DTNBP1: variants seen among roughly 807,000 people sequenced by gnomAD.
DTNBP1 encodes dysbindin.
DTNBP1 carries 35 observed loss-of-function variants against 42.8 expected under a neutral mutation model. The observed-to-expected ratio is 0.82, with a 90% confidence interval of 0.63 to 1.09. The LOEUF (loss-of-function observed/expected upper bound fraction) is 1.09, where lower values mean the gene tolerates loss of function less well. Among genes scored for constraint, DTNBP1 ranks in the 50% least tolerant of loss-of-function variants. The probability of loss-of-function intolerance (pLI) is 0.00; values close to 1 mark genes in which losing one functional copy is unlikely to be tolerated. For synonymous variants in DTNBP1, 171 were observed against 162.2 expected, an observed-to-expected ratio of 1.05 and a Z score of -0.41; for missense variants, 457 against 424.2, an observed-to-expected ratio of 1.08 and a Z score of -0.68.
intron 7 of DTNBP1, among the ~76,000 whole-genome samples, chr6:15,558,246 A>G (rs1581319317): frequency 6.6e-6 from 1 of 150,844 alleles, no homozygotes; most frequent in East Asian, 1.9e-4. Flanking sequence ...ATGGTTTATA[A>G]TCAACTATAA....
chr6:15,584,381 A>G (rs1453555678), intron 7 of DTNBP1, among the ~76,000 whole-genome samples: 5 of 152,098 alleles, frequency 3.3e-5, no homozygotes, highest in African/African-American at 4.8e-5. Context: ...TACATTCCCT[A>G]TAAGTAAATA....
intron 7 of DTNBP1, among the ~76,000 whole-genome samples, chr6:15,589,857 A>G (rs9296986): frequency 0.82 from 124,664 of 152,174 alleles, 51,350 homozygotes; most frequent in East Asian, 1. Context: ...ATCCCATCTC[A>G]TTACATTTTC....
chr6:15,584,322 C>T (rs886376759), intron 7 of DTNBP1, among the ~76,000 whole-genome samples: 1 of 152,116 alleles, frequency 6.6e-6, no homozygotes, highest in East Asian at 1.9e-4. Context: ...ACTCTTAGAA[C>T]CATTATTTAA....
intron 1 of DTNBP1, among the ~76,000 whole-genome samples, chr6:15,659,879 A>T (rs993799123): frequency 2.0e-5 from 3 of 152,120 alleles, no homozygotes; most frequent in African/African-American, 7.2e-5. Context: ...TGTGTTGCCC[A>T]GTCTTGAACT....
At chr6:15,611,986 T>C (rs1758432095) in intron 6 of DTNBP1, among the ~76,000 whole-genome samples, 1 of 152,238 alleles carries the variant, frequency 6.6e-6, no homozygotes, top group South Asian at 2.1e-4. Flanking sequence ...TTTGAGAGGA[T>C]TGATTCCAAT....
At chr6:15,610,348 CACTG>C (rs1758324854) in intron 6 of DTNBP1, among the ~76,000 whole-genome samples, 1 of 152,186 alleles carries the variant, frequency 6.6e-6, no homozygotes, top group Non-Finnish European at 1.5e-5. Flanking sequence ...CTGACTGCTC[CACTG>C]ACCAGCCATT....
At chr6:15,646,827 C>T (rs1184774049) in intron 3 of DTNBP1, among the ~76,000 whole-genome samples, 1 of 151,786 alleles carries the variant, frequency 6.6e-6, no homozygotes, top group African/African-American at 2.4e-5. Context: ...TATGGATGAA[C>T]AAAACTGGAC....
At chr6:15,554,120 A>G (rs935201549) in intron 7 of DTNBP1, among the ~76,000 whole-genome samples, 1 of 152,202 alleles carries the variant, frequency 6.6e-6, no homozygotes, top group African/African-American at 2.4e-5. Context: ...ATTTCTACAC[A>G]GCTGTCCACT....
intron 4 of DTNBP1, among the ~76,000 whole-genome samples, chr6:15,637,384 T>A (rs1760091864): frequency 6.6e-6 from 1 of 152,192 alleles, no homozygotes; most frequent in Non-Finnish European, 1.5e-5. Context: ...TAATAAGGAA[T>A]TCTTAAATAG....
At chr6:15,530,137 A>G (rs913004352) in intron 8 of DTNBP1, among the ~76,000 whole-genome samples, 3 of 152,278 alleles carry the variant, frequency 2.0e-5, no homozygotes, top group African/African-American at 7.2e-5. Context: ...TGAGTCCAAA[A>G]CACCATGTTC....
chr6:15,646,187 C>T (rs1302678160), intron 3 of DTNBP1, among the ~76,000 whole-genome samples: 1 of 151,496 alleles, frequency 6.6e-6, no homozygotes, highest in Non-Finnish European at 1.5e-5. Flanking sequence ...AAAATAAAAT[C>T]TGCAGCATTT....
intron 9 of DTNBP1, 116 bp from the exon 10 acceptor site, chr6:15,523,335 G>A: frequency 7.0e-7 from 1 of 1,431,792 alleles, no homozygotes; most frequent in East Asian, 2.4e-5. Context: ...TTTTGTTCCA[G>A]GCACCTGGGG....
intron 5 of DTNBP1, among the ~76,000 whole-genome samples, chr6:15,625,343 T>A (rs1187426270): frequency 2.0e-5 from 3 of 152,114 alleles, no homozygotes; most frequent in Non-Finnish European, 4.4e-5. Flanking sequence ...AGGAAAAAAA[T>A]GACTCAAATT....
At chr6:15,574,304 A>T (rs1437583185) in intron 7 of DTNBP1, among the ~76,000 whole-genome samples, 1 of 152,202 alleles carries the variant, frequency 6.6e-6, no homozygotes, top group Admixed American at 6.5e-5. Context: ...CATCCTTAGC[A>T]TGGGGCAGAG....
At chr6:15,600,384 T>C (rs1776682954) in intron 6 of DTNBP1, among the ~76,000 whole-genome samples, 3 of 152,220 alleles carry the variant, frequency 2.0e-5, no homozygotes, top group Admixed American at 1.3e-4. Flanking sequence ...CAAATGGTCA[T>C]TGTGAGACTT....
chr6:15,596,017 C>T (rs1776502149), intron 6 of DTNBP1, among the ~76,000 whole-genome samples: 1 of 152,168 alleles, frequency 6.6e-6, no homozygotes, highest in Non-Finnish European at 1.5e-5. Flanking sequence ...AGAATAAAAG[C>T]AGTGAGTACA....
intron 9 of DTNBP1, 26 bp downstream of exon 9, chr6:15,524,497 TTCA>T: frequency 6.2e-7 from 1 of 1,610,304 alleles, no homozygotes; most frequent in Non-Finnish European, 8.5e-7. Flanking sequence ...ACTGCCCTGG[TTCA>T]GCTAATGCAA....
intron 7 of DTNBP1, among the ~76,000 whole-genome samples, chr6:15,583,922 C>T (rs1317421509): frequency 6.6e-6 from 1 of 152,114 alleles, no homozygotes; most frequent in Non-Finnish European, 1.5e-5. Flanking sequence ...GTTAAAGTGC[C>T]AATTCCCCTT....
In DTNBP1 at chr6:15,616,262, A is replaced by G. The variant is rs77736784; in HGVS notation, c.356-863T>C. Among the ~76,000 whole-genome samples the G allele has an allele frequency of 3.0e-3, 453 of 152,374 alleles. 3 individuals carry two copies. The highest frequency in any genetic ancestry group is 0.01 in the African/African-American group (423 of 41,588). ...GATTAGTTGTTTTCTTATACGAAAGAAAAGCTTTCGAGGTCAAAGATTTGA... is the reference window on the plus strand; with the variant it reads ...GATTAGTTGTTTTCTTATACGAAAGGAAAGCTTTCGAGGTCAAAGATTTGA... On this transcript the variant is annotated intron_variant, in intron 5 of 9. Coordinates refer to ENST00000344537, the MANE Select transcript of DTNBP1 (RefSeq NM_032122.5).
Sources: allele counts gnomAD v4.1 joint callset (sites outside exome capture counted in the v4.1 genomes callset), GRCh38; gene constraint gnomAD v4.1.1; transcripts MANE v1.5; gene names NCBI Gene and HGNC (gene_info 2026-07-23, HGNC 2026-07-21).